The following DHRS7B variants were observed in gnomAD, a reference collection of about 807,000 sequenced individuals.
The protein encoded by DHRS7B is peroxisomal reductase activating PPAR-gamma.
Under a neutral mutation model 26.4 loss-of-function variants are expected in DHRS7B, and 24 were observed. The observed-to-expected ratio is 0.91, with a 90% CI of 0.66 to 1.28. The LOEUF is 1.28. Among genes scored for constraint, DHRS7B ranks in the 50% most tolerant of loss-of-function variants. The pLI is 0.00. For missense variants in DHRS7B, 368 were observed against 419.4 expected, an observed-to-expected ratio of 0.88 and a Z score of 1.07; for synonymous variants, 142 against 166.4, an observed-to-expected ratio of 0.85 and a Z score of 1.13.
chr17:21,173,077 T>C (rs1166602931), intron 2 of DHRS7B, among the ~76,000 whole-genome samples: 1 of 152,240 alleles, frequency 6.6e-6, no homozygotes, highest in Non-Finnish European at 1.5e-5. Flanking sequence ...CTGGAGCTGA[T>C]GGAGCACCTG....
rs116374869 is a variant in DHRS7B, at chr17:21,147,414, G to A, written c.20+20423G>A. On this transcript the variant is annotated intron_variant, in intron 1 of 6. Coordinates refer to ENST00000395511, the MANE Select transcript of DHRS7B (RefSeq NM_015510.5). ...TTCCAAAGTAGCAACATAGAAGCAA[G>A]CTGACTTCACTCACCTCCACAGACA... 9.6e-3 allele frequency among the ~76,000 whole-genome samples: 1,455 copies of A among 152,284 alleles called. 33 individuals carry two copies. The highest frequency in any genetic ancestry group is 0.033 in the African/African-American group (1,373 of 41,558).
chr17:21,152,272 A>C (rs1973788552), intron 1 of DHRS7B, among the ~76,000 whole-genome samples: 1 of 151,800 alleles, frequency 6.6e-6, no homozygotes, highest in Non-Finnish European at 1.5e-5. Context: ...CTCCTGCCTC[A>C]GCCTCCTGAG....
At chr17:21,175,498 T>G (rs572445102) in intron 2 of DHRS7B, among the ~76,000 whole-genome samples, 1 of 152,348 alleles carries the variant, frequency 6.6e-6, no homozygotes, top group East Asian at 1.9e-4. Flanking sequence ...CCTAATCACC[T>G]GGGCCTCTAA....
At chr17:21,180,914 C>T (rs1974502608) in intron 3 of DHRS7B, among the ~76,000 whole-genome samples, 1 of 152,192 alleles carries the variant, frequency 6.6e-6, no homozygotes, top group Non-Finnish European at 1.5e-5. Context: ...ACATCAACAA[C>T]ACGGTCTTCC....
chr17:21,186,394 T>TA (rs1336350152), intron 5 of DHRS7B, among the ~76,000 whole-genome samples: 1 of 152,172 alleles, frequency 6.6e-6, no homozygotes, highest in Non-Finnish European at 1.5e-5. Context: ...TTTGGGGACT[T>TA]ACATGATAAC....
At chr17:21,178,448 T>G in intron 3 of DHRS7B, 106 bp downstream of exon 3, 4 of 872,476 alleles carry the variant, frequency 4.6e-6, no homozygotes, top group Non-Finnish European at 7.3e-6. Context: ...AGGACATCCA[T>G]GCGTCACACT....
At chr17:21,155,191 CAG>C (rs1293331020) in intron 1 of DHRS7B, among the ~76,000 whole-genome samples, 4 of 152,114 alleles carry the variant, frequency 2.6e-5, no homozygotes, top group African/African-American at 9.7e-5. Context: ...ATTTAAAAGG[CAG>C]AGATTGTGAG....
intron 1 of DHRS7B, among the ~76,000 whole-genome samples, chr17:21,132,348 A>ATATATATAT (rs1555535740): frequency 8.0e-6 from 1 of 125,022 alleles, no homozygotes; most frequent in African/African-American, 2.9e-5. Flanking sequence ...AAAAAAAAAA[A>ATATATATAT]ATATATATAT....
intron 1 of DHRS7B, among the ~76,000 whole-genome samples, chr17:21,148,589 A>G (rs1326864824): frequency 6.6e-6 from 1 of 152,076 alleles, no homozygotes; most frequent in Non-Finnish European, 1.5e-5. Flanking sequence ...ACCAAAAAGT[A>G]TAAAAAATTA....
At chr17:21,176,029 G>A (rs983979229) in intron 2 of DHRS7B, among the ~76,000 whole-genome samples, 1 of 151,622 alleles carries the variant, frequency 6.6e-6, no homozygotes, top group African/African-American at 2.4e-5. Flanking sequence ...GACAGGTCTT[G>A]CTCTGTCACC....
At chr17:21,184,308 A>G (rs946338525) in intron 4 of DHRS7B, 63 bp from the exon 5 acceptor site, 33 of 1,461,780 alleles carry the variant, frequency 2.3e-5, no homozygotes, top group Admixed American at 3.9e-5. Context: ...GTCGCCTTCC[A>G]TCAGCATCGG....
At chr17:21,163,013 T>G (rs1355480387) in intron 1 of DHRS7B, among the ~76,000 whole-genome samples, 1 of 151,990 alleles carries the variant, frequency 6.6e-6, no homozygotes, top group African/African-American at 2.4e-5. Flanking sequence ...CTGGCCAGCA[T>G]GGAGAAACCC....
chr17:21,129,513 C>G (rs2364324), intron 1 of DHRS7B, among the ~76,000 whole-genome samples: 5,299 of 151,786 alleles, frequency 0.035, 128 homozygotes, highest in Non-Finnish European at 0.053. Flanking sequence ...TGAGACTAGC[C>G]TGGGCAACAT....
intron 1 of DHRS7B, among the ~76,000 whole-genome samples, chr17:21,155,658 A>C (rs1260035364): frequency 6.6e-6 from 1 of 152,230 alleles, no homozygotes; most frequent in Non-Finnish European, 1.5e-5. Context: ...TTTGTCCAAC[A>C]ACAGCAGATT....
intron 5 of DHRS7B, among the ~76,000 whole-genome samples, chr17:21,186,052 G>A (rs1221656209): frequency 6.6e-6 from 1 of 152,104 alleles, no homozygotes; most frequent in Non-Finnish European, 1.5e-5. Context: ...ACTGATTTTT[G>A]TTGTCTGGCC....
intron 1 of DHRS7B, among the ~76,000 whole-genome samples, chr17:21,170,216 T>C (rs1164314244): frequency 1.3e-5 from 2 of 152,184 alleles, no homozygotes; most frequent in Non-Finnish European, 2.9e-5. Context: ...ACATTCCCTG[T>C]TTTCAGGATC....
At chr17:21,174,961 C>T (rs1485932592) in intron 2 of DHRS7B, among the ~76,000 whole-genome samples, 1 of 152,328 alleles carries the variant, frequency 6.6e-6, no homozygotes, top group East Asian at 1.9e-4. Context: ...TGGGACCAGG[C>T]CTCACTACCC....
At chr17:21,140,527 CACACACA>C (rs1973479168) in intron 1 of DHRS7B, among the ~76,000 whole-genome samples, 1 of 150,658 alleles carries the variant, frequency 6.6e-6, no homozygotes, top group Non-Finnish European at 1.5e-5. Context: ...CACACACACA[CACACACA>C]CACACCCTGA....
chr17:21,144,556 GC>G (rs1297755945), intron 1 of DHRS7B, among the ~76,000 whole-genome samples: 1 of 152,112 alleles, frequency 6.6e-6, no homozygotes, highest in African/African-American at 2.4e-5. Flanking sequence ...GGTGACTCAC[GC>G]CTGTAATCCC....
Sources: allele counts gnomAD v4.1 joint callset (sites outside exome capture counted in the v4.1 genomes callset), GRCh38; gene constraint gnomAD v4.1.1; transcripts MANE v1.5; gene names NCBI Gene and HGNC (gene_info 2026-07-23, HGNC 2026-07-21).